The following SYT1 variants were observed in gnomAD, a reference collection of about 807,000 sequenced individuals.
SYT1 encodes the protein synaptotagmin 1.
SYT1 carries 8 observed loss-of-function variants against 44.8 expected under a neutral mutation model. That is an observed-to-expected ratio of 0.18 (90% confidence interval 0.10 to 0.32). The LOEUF (loss-of-function observed/expected upper bound fraction) is 0.32. SYT1 is among the 10% of genes least tolerant of loss of function. The probability of loss-of-function intolerance (pLI) is 1.00; values close to 1 mark genes in which losing one functional copy is unlikely to be tolerated. For synonymous variants in SYT1, 154 were observed against 188.8 expected (o/e 0.82, Z 1.51); for missense variants, 286 against 509.3 (o/e 0.56, Z 4.22).
At chr12:79,192,483 C>A (rs564449597) in intron 3 of SYT1, among the ~76,000 whole-genome samples, 2 of 152,050 alleles carry the variant, frequency 1.3e-5, no homozygotes, top group African/African-American at 2.4e-5. Flanking sequence ...GCTCATTACT[C>A]GGGGAATACT....
At chr12:79,306,372 TA>T (rs1488059473) in intron 8 of SYT1, among the ~76,000 whole-genome samples, 1 of 152,224 alleles carries the variant, frequency 6.6e-6, no homozygotes, top group Non-Finnish European at 1.5e-5. Flanking sequence ...CTGTTCTCAA[TA>T]ATGATTTGTC....
intron 3 of SYT1, among the ~76,000 whole-genome samples, chr12:79,155,659 T>C (rs1314286865): frequency 6.6e-6 from 1 of 152,234 alleles, no homozygotes; most frequent in East Asian, 1.9e-4. Context: ...GACAGCCTAT[T>C]ACAGTTATGT....
chr12:78,988,495 A>G (rs1485939936), intron 2 of SYT1, among the ~76,000 whole-genome samples: 1 of 151,240 alleles, frequency 6.6e-6, no homozygotes, highest in Non-Finnish European at 1.5e-5. Flanking sequence ...ACATGTACAT[A>G]CGGTGAAATT....
chr12:79,168,223 C>G (rs759547432), intron 3 of SYT1, among the ~76,000 whole-genome samples: 1 of 151,986 alleles, frequency 6.6e-6, no homozygotes, highest in Non-Finnish European at 1.5e-5. Context: ...CTGGTTAGAG[C>G]CTTATTTGAG....
intron 8 of SYT1, among the ~76,000 whole-genome samples, chr12:79,319,231 A>G (rs1881242882): frequency 6.6e-6 from 1 of 152,224 alleles, no homozygotes; most frequent in Non-Finnish European, 1.5e-5. Context: ...AATCACGTAT[A>G]GTGCAAATTT....
At chr12:79,052,156 A>G (rs1055807195) in intron 3 of SYT1, among the ~76,000 whole-genome samples, 3 of 152,142 alleles carry the variant, frequency 2.0e-5, no homozygotes, top group Admixed American at 6.6e-5. Flanking sequence ...CTTCCTACCC[A>G]CGAGCATGGA....
At chr12:78,972,960 C>T (rs930489283) in intron 1 of SYT1, among the ~76,000 whole-genome samples, 1 of 152,014 alleles carries the variant, frequency 6.6e-6, no homozygotes. Context: ...CTACAATAAT[C>T]GAACTTAAAG....
intron 3 of SYT1, among the ~76,000 whole-genome samples, chr12:79,209,650 G>T (rs529669154): frequency 3.9e-5 from 6 of 152,270 alleles, no homozygotes; most frequent in African/African-American, 1.4e-4. Flanking sequence ...TGACTCCCTG[G>T]CTGTGAGCAA....
At chr12:78,953,059 G>A (rs1879045085) in intron 1 of SYT1, among the ~76,000 whole-genome samples, 1 of 152,200 alleles carries the variant, frequency 6.6e-6, no homozygotes, top group Non-Finnish European at 1.5e-5. Flanking sequence ...CTCCTTGGAA[G>A]CAGAACTGTC....
At chr12:79,051,417 A>G (rs1292318760) in intron 3 of SYT1, among the ~76,000 whole-genome samples, 1 of 150,358 alleles carries the variant, frequency 6.7e-6, no homozygotes, top group Non-Finnish European at 1.5e-5. Context: ...TCTACTATAT[A>G]TGTATAAAGA....
At chr12:79,130,219 A>G (rs537532510) in intron 3 of SYT1, among the ~76,000 whole-genome samples, 5 of 152,334 alleles carry the variant, frequency 3.3e-5, no homozygotes, top group Non-Finnish European at 1.5e-5. Flanking sequence ...TTATATATGT[A>G]TTCATATGAG....
chr12:79,220,299 T>C (rs1875080052), intron 4 of SYT1, among the ~76,000 whole-genome samples: 1 of 152,036 alleles, frequency 6.6e-6, no homozygotes, highest in Non-Finnish European at 1.5e-5. Context: ...TATTTGAGTC[T>C]TCTCTCTTTT....
At chr12:78,938,767 G>A (rs1485851337) in intron 1 of SYT1, among the ~76,000 whole-genome samples, 1 of 152,186 alleles carries the variant, frequency 6.6e-6, no homozygotes, top group Non-Finnish European at 1.5e-5. Flanking sequence ...TATCCAGGAA[G>A]TATAACTCTG....
intron 3 of SYT1, among the ~76,000 whole-genome samples, chr12:79,099,868 G>C (rs749488580): frequency 6.6e-6 from 1 of 151,928 alleles, no homozygotes; most frequent in Non-Finnish European, 1.5e-5. Flanking sequence ...CTCCTAATCC[G>C]GATCCTCTAA....
At chr12:79,018,032 C>G (rs2137606883) in intron 2 of SYT1, among the ~76,000 whole-genome samples, 1 of 150,686 alleles carries the variant, frequency 6.6e-6, no homozygotes, top group Non-Finnish European at 1.5e-5. Context: ...AGGTTTAGGG[C>G]AAAAGACAAT....
Position 79,293,411 on chromosome 12 carries a change from T to TA in SYT1, c.474+1287dup, listed in dbSNP as rs1565894740. ...AAAATAAAATAAAATAAAATAAAAT[T>TA]AAAAAATCTGTAAGACATAGCCCTT... On this transcript the variant is annotated intron_variant, in intron 6 of 10. Transcript: ENST00000261205. Among the ~76,000 whole-genome samples the TA allele has an allele frequency of 2.0e-3, 127 of 62,992 alleles. 11 individuals are homozygous for TA. The highest frequency in any genetic ancestry group is 9.3e-3 in the Middle Eastern group (1 of 108). 41.3% of individuals were successfully genotyped at this position (62,992 alleles called of 152,430 possible).
At chr12:79,379,942 C>T (rs1205149891) in intron 9 of SYT1, among the ~76,000 whole-genome samples, 3 of 152,176 alleles carry the variant, frequency 2.0e-5, no homozygotes, top group East Asian at 1.9e-4. Context: ...AGGTTACACC[C>T]GAGAGCAAGC....
At chr12:79,416,734 A>G (rs1164280341) in intron 9 of SYT1, among the ~76,000 whole-genome samples, 1 of 152,216 alleles carries the variant, frequency 6.6e-6, no homozygotes. Context: ...CCATGTTAAT[A>G]TTTCAAACAG....
chr12:79,405,371 C>T (rs1203111374), intron 9 of SYT1, among the ~76,000 whole-genome samples: 1 of 151,986 alleles, frequency 6.6e-6, no homozygotes, highest in African/African-American at 2.4e-5. Context: ...TCAATGAATG[C>T]CTTCCTAATC....
Sources: gnomAD v4.1 joint callset for allele counts (sites outside exome capture counted in the v4.1 genomes callset) on GRCh38, gnomAD v4.1.1 for gene constraint, MANE v1.5 for transcripts, NCBI Gene and HGNC (gene_info 2026-07-23, HGNC 2026-07-21) for gene names.